Variants in VPS13B observed in about 807,000 individuals in gnomAD.
VPS13B encodes vacuolar protein sorting 13 homolog B, also known as intermembrane lipid transfer protein VPS13B.
VPS13B carries 285 observed loss-of-function variants against 426.4 expected under a neutral mutation model. The ratio of observed to expected loss-of-function variants is 0.67; its 90% CI spans 0.61 to 0.74. The LOEUF (loss-of-function observed/expected upper bound fraction) is 0.74, where lower values mean the gene tolerates loss of function less well. Among genes scored for constraint, VPS13B ranks in the 30% least tolerant of loss-of-function variants. VPS13B has a pLI of 0.00. For synonymous variants in VPS13B, 1,676 were observed against 1,676.4 expected (o/e 1.00, Z 0.01); for missense variants, 4,537 against 4,782.6 (o/e 0.95, Z 1.51).
intron 39 of VPS13B, among the ~76,000 whole-genome samples, chr8:99,735,817 G>A (rs1038607794): frequency 7.2e-5 from 11 of 152,252 alleles, no homozygotes; most frequent in African/African-American, 1.9e-4. Context: ...GTGGTATCAC[G>A]TCTGCAGAAA....
chr8:99,767,393 T>A (rs1811279102), intron 40 of VPS13B, among the ~76,000 whole-genome samples: 1 of 150,424 alleles, frequency 6.6e-6, no homozygotes, highest in Admixed American at 6.7e-5. Context: ...AATTGAATTG[T>A]CTCCTTCTAA....
intron 3 of VPS13B, among the ~76,000 whole-genome samples, chr8:99,081,574 C>A (rs530650264): frequency 7.1e-5 from 9 of 127,288 alleles, no homozygotes; most frequent in South Asian, 3.2e-4. Context: ...ATCCCTCCCC[C>A]CTCCCCCAAC....
intron 2 of VPS13B, 24 bp downstream of exon 2, chr8:99,013,959 C>G: frequency 6.2e-7 from 1 of 1,614,010 alleles, no homozygotes. Flanking sequence ...CTGTCATTAA[C>G]TGGAAACAGT....
intron 36 of VPS13B, among the ~76,000 whole-genome samples, chr8:99,705,034 ACATGACACCTCCC>A (rs1442777791): frequency 3.3e-5 from 5 of 152,118 alleles, no homozygotes; most frequent in Non-Finnish European, 7.4e-5. Context: ...CGTCCGTGAA[ACATGACACCTCCC>A]CTCCCAGGAC....
At chr8:99,016,565 T>G (rs1841626410) in intron 2 of VPS13B, among the ~76,000 whole-genome samples, 1 of 150,590 alleles carries the variant, frequency 6.6e-6, no homozygotes, top group Non-Finnish European at 1.5e-5. Flanking sequence ...GAGTTTTCTG[T>G]CTTATTGATA....
At chr8:99,711,376 C>CT (rs1291183220) in intron 36 of VPS13B, among the ~76,000 whole-genome samples, 1 of 152,146 alleles carries the variant, frequency 6.6e-6, no homozygotes, top group African/African-American at 2.4e-5. Flanking sequence ...TTTGTATTTT[C>CT]TTAGTACTTT....
At chr8:99,550,217 G>T (rs1269634123) in intron 30 of VPS13B, among the ~76,000 whole-genome samples, 3 of 152,008 alleles carry the variant, frequency 2.0e-5, no homozygotes, top group Non-Finnish European at 4.4e-5. Context: ...GAAGAAACTG[G>T]TTGCTTTATA....
chr8:99,149,373 A>G (rs1810928841), intron 14 of VPS13B, among the ~76,000 whole-genome samples: 1 of 152,204 alleles, frequency 6.6e-6, no homozygotes, highest in South Asian at 2.1e-4. Context: ...GCTAGAGAGC[A>G]GTGGTGAAAT....
At chr8:99,192,765 T>A (rs2132727591) in intron 16 of VPS13B, 111 bp from the exon 17 acceptor site, 2 of 1,094,562 alleles carry the variant, frequency 1.8e-6, no homozygotes, top group Non-Finnish European at 2.7e-6. Context: ...TATGTTTGCA[T>A]ACATACTTTG....
chr8:99,653,596 G>A (rs140606462), intron 34 of VPS13B, among the ~76,000 whole-genome samples: 1 of 151,598 alleles, frequency 6.6e-6, no homozygotes, highest in Non-Finnish European at 1.5e-5. Context: ...GGACAACACA[G>A]AGCAGCACAT....
chr8:99,401,317 A>G (rs886394802), intron 21 of VPS13B, among the ~76,000 whole-genome samples: 1 of 152,182 alleles, frequency 6.6e-6, no homozygotes, highest in African/African-American at 2.4e-5. Context: ...TGTGTTTTAC[A>G]GGAATATTTT....
intron 40 of VPS13B, among the ~76,000 whole-genome samples, chr8:99,776,120 CAA>C (rs2130664904): frequency 6.6e-6 from 1 of 152,140 alleles, no homozygotes; most frequent in South Asian, 2.1e-4. Context: ...AGAAGTAAAA[CAA>C]GGGTGAAATA....
rs34774482 is a variant in VPS13B, at chr8:99,038,679, CTTT to C, written c.291+137_291+139del. 12,256 of 164,628 alleles carry C rather than the reference CTTT, an allele frequency of 0.074. 2 individuals are homozygous for C. Among genetic ancestry groups the C allele is most frequent in the Middle Eastern group, 0.13 (56 of 432 alleles). The allele number at this position is 164,628 out of a possible 1,614,324, so 10.2% of individuals were successfully genotyped here. A position where few individuals can be genotyped will look rare whatever the true frequency, so the allele number is the denominator to read the frequency against. ...ACATAAACATATCTTAGCTTATATA[CTTT>C]TTTTTTTTTTTTTTTTTTTTTTTGA... On this transcript the variant is annotated intron_variant, in intron 3 of 61. Transcript: ENST00000357162.
At chr8:99,528,543 A>G (rs953138399) in intron 30 of VPS13B, among the ~76,000 whole-genome samples, 3 of 151,976 alleles carry the variant, frequency 2.0e-5, no homozygotes, top group African/African-American at 4.8e-5. Context: ...ATTCTGTATC[A>G]TAATAATTGC....
rs564393637 is a variant in VPS13B, at chr8:99,585,257, C to A, written c.5220+7624C>A. 5.9e-5 allele frequency among the ~76,000 whole-genome samples: 9 copies of A among 152,178 alleles called. No individual in the cohort carries two copies. The East Asian group carries it at 1.7e-3, about 29-fold the overall frequency. ...TAAGAAGTGTATATTTTATCACGAGCAGTTGGGAACCAAAGTTTATAGACT... is the reference window on the plus strand; with the variant it reads ...TAAGAAGTGTATATTTTATCACGAGAAGTTGGGAACCAAAGTTTATAGACT... On this transcript the variant is annotated intron_variant, in intron 33 of 61. Transcript: ENST00000357162.
At chr8:99,685,234 A>G (rs2100220) in intron 35 of VPS13B, among the ~76,000 whole-genome samples, 10,614 of 152,318 alleles carry the variant, frequency 0.07, 554 homozygotes, top group African/African-American at 0.14. Flanking sequence ...TGTGGGCAAT[A>G]TGCATATGGA....
chr8:99,340,597 A>C, intron 19 of VPS13B: 1 of 447,330 alleles, frequency 2.2e-6, no homozygotes, highest in East Asian at 6.1e-5. Flanking sequence ...AGAGGACCTC[A>C]TTTATTTAAT....
intron 36 of VPS13B, among the ~76,000 whole-genome samples, chr8:99,700,610 G>C (rs1368614882): frequency 6.6e-6 from 1 of 152,228 alleles, no homozygotes; most frequent in African/African-American, 2.4e-5. Context: ...GTGGGGTACA[G>C]ACTCTGCAAA....
At position 99,407,717 on chromosome 8, in the gene VPS13B, G is replaced by A. The variant is rs904138358; in HGVS notation, c.3082+16013G>A. ...AAGTTCTAGGGTACATGTGCACAAC[G>A]TGCAGGTTTGTTACATATGTATACA... On this transcript the variant is annotated intron_variant, in intron 21 of 61. Coordinates refer to ENST00000357162, the MANE Select transcript of VPS13B (RefSeq NM_152564.5). Among the ~76,000 whole-genome samples, 3 of 151,162 alleles carry A rather than the reference G, an allele frequency of 2.0e-5. No individual in the cohort carries two copies. The South Asian group carries it at 6.2e-4, about 31-fold the overall frequency.
Sources: allele counts gnomAD v4.1 joint callset (sites outside exome capture counted in the v4.1 genomes callset), GRCh38; gene constraint gnomAD v4.1.1; transcripts MANE v1.5; gene names NCBI Gene and HGNC (gene_info 2026-07-23, HGNC 2026-07-21).